Variants in CNST observed in about 807,000 individuals in gnomAD.
CNST encodes the protein consortin.
In CNST, 39 loss-of-function variants were observed where a neutral mutation model predicts 72.4. The observed-to-expected ratio is 0.54, with a 90% CI of 0.42 to 0.70. The LOEUF (loss-of-function observed/expected upper bound fraction) is 0.70. Ranked by LOEUF, CNST falls within the 30% of genes least tolerant of loss-of-function variation. CNST has a pLI of 0.00. For missense variants in CNST, 871 were observed against 868.5 expected (o/e 1.00, Z -0.04); for synonymous variants, 332 against 320.1 (o/e 1.04, Z -0.40).
chr1:246,601,598 C>T (rs868616485), intron 2 of CNST, among the ~76,000 whole-genome samples: 6 of 151,946 alleles, frequency 3.9e-5, no homozygotes, highest in South Asian at 2.1e-4. Flanking sequence ...AGTTGGAGAC[C>T]GGCCTGACCA....
In CNST at chr1:246,621,466, A is replaced by G; in HGVS notation, c.417A>G (p.Glu139=). The change falls in exon 3 of 11, where the codon GAA becomes GAG. Residue 139 remains glutamate (E), a synonymous_variant. Transcript: ENST00000366513. ...FSGDIAPLMQ[E]KVLSAVTYAV... is the part of the protein sequence containing the mutation. ...GAGATATTGCACCTTTAATGCAAGAAAAAGTACTAAGCGCAGTCACATATG... is the reference window on the plus strand; with the variant it reads ...GAGATATTGCACCTTTAATGCAAGAGAAAGTACTAAGCGCAGTCACATATG... 1.9e-6 allele frequency: 3 copies of G among 1,614,184 alleles called. No homozygotes were observed. The South Asian group carries it at 3.3e-5, about 18-fold the overall frequency.
chr1:246,604,888 C>CA (rs954512665), intron 2 of CNST, among the ~76,000 whole-genome samples: 6 of 152,148 alleles, frequency 3.9e-5, no homozygotes, highest in African/African-American at 7.2e-5. Context: ...AGGCTGGTCT[C>CA]AGACTCCTGA....
Position 246,591,765 on chromosome 1 carries a change from G to A in CNST, c.203G>A (p.Ser68Asn), listed in dbSNP as rs1311713204. ...MGKPQVSEQD[S>N]LNNNESCTLS... is the part of the protein sequence containing the mutation. ...AAGCCCCAAGTGTCTGAGCAGGACA[G>A]TCTCAATAATAATGAAAGCTGCACA... Residue 68 changes from serine to asparagine, a missense_variant, in exon 2 of 11, where the codon AGT (serine) becomes AAT (asparagine). By Grantham distance (46) the Ser-to-Asn change is conservative. Transcript: ENST00000366513. 9 of 1,614,142 alleles carry A rather than the reference G, an allele frequency of 5.6e-6. No individual in the cohort carries two copies. The highest frequency in any genetic ancestry group is 7.6e-6 in the Non-Finnish European group (9 of 1,180,026).
chr1:246,567,732 G>A (rs1383988088), intron 1 of CNST, among the ~76,000 whole-genome samples: 2 of 152,120 alleles, frequency 1.3e-5, no homozygotes, highest in African/African-American at 4.8e-5. Context: ...AAACTGTGGG[G>A]ACTCACTCAT....
intron 7 of CNST, 67 bp downstream of exon 7, chr1:246,641,837 A>C (rs1419420159): frequency 1.2e-5 from 15 of 1,239,734 alleles, no homozygotes; most frequent in Non-Finnish European, 1.8e-5. Context: ...TGTTGTATGG[A>C]CTATTTTGGA....
rs1029217622 is a variant in CNST, at chr1:246,667,703, A to G, written c.*1798A>G. 9.2e-5 allele frequency: 14 copies of G among 152,264 alleles called. No individual in the cohort carries two copies. The highest frequency in any genetic ancestry group is 1.7e-4 in the African/African-American group (7 of 41,478). 9.4% of individuals were successfully genotyped at this position (152,264 alleles called of 1,614,324 possible). A position where few individuals can be genotyped will look rare whatever the true frequency, so the allele number is the denominator to read the frequency against. ...TGACGGTACTATATTAAGTGGTTCTATAAAAGCTATTCACAAGTTCTACTG... is the reference window on the plus strand; with the variant it reads ...TGACGGTACTATATTAAGTGGTTCTGTAAAAGCTATTCACAAGTTCTACTG... On this transcript the variant is annotated 3_prime_UTR_variant, in exon 11 of 11. Transcript: ENST00000366513.
At chr1:246,657,216 TAGAA>T (rs564850634) in intron 9 of CNST, among the ~76,000 whole-genome samples, 100 of 152,092 alleles carry the variant, frequency 6.6e-4, no homozygotes, top group African/African-American at 2.3e-3. Context: ...CTCGCAAAAA[TAGAA>T]AGGCTCGATG....
intron 2 of CNST, among the ~76,000 whole-genome samples, chr1:246,605,370 G>A (rs1263307520): frequency 6.6e-6 from 1 of 152,200 alleles, no homozygotes; most frequent in East Asian, 1.9e-4. Context: ...GAGTCCATGA[G>A]TTAAAGAACA....
At position 246,588,503 on chromosome 1, in the gene CNST, G is replaced by A. The variant is rs145617497; in HGVS notation, c.-51-3009G>A. Among the ~76,000 whole-genome samples the A allele has an allele frequency of 1.8e-4, 27 of 152,262 alleles. 1 individual carries two copies. The highest frequency in any genetic ancestry group is 2.9e-4 in the Non-Finnish European group (20 of 68,020). ...TTAGCAAGGAAGAATCCAGAATGGA[G>A]TGATTCACCATGAGCCATATTTGGC... On this transcript the variant is annotated intron_variant, in intron 1 of 10. Transcript: ENST00000366513.
rs184489317 is a variant in CNST at position 246,661,413 on chromosome 1, C to T, written c.1972+1079C>T. 1.8e-3 allele frequency among the ~76,000 whole-genome samples: 277 copies of T among 152,320 alleles called. 1 individual carries two copies. The highest frequency in any genetic ancestry group is 2.6e-3 in the Non-Finnish European group (174 of 68,030). ...GATTACAGGCATGAGCCACCATGCC[C>T]GGCTTGTCTTCTTTTCAGTGGACAA... On this transcript the variant is annotated intron_variant, in intron 10 of 10. Coordinates refer to ENST00000366513, the MANE Select transcript of CNST (RefSeq NM_152609.3).
At chr1:246,600,712 G>A (rs1333747199) in intron 2 of CNST, among the ~76,000 whole-genome samples, 1 of 152,202 alleles carries the variant, frequency 6.6e-6, no homozygotes. Context: ...AGAGAAGAGA[G>A]TAGAAGACAG....
intron 8 of CNST, among the ~76,000 whole-genome samples, chr1:246,645,521 G>A (rs3129554): frequency 0.91 from 136,051 of 149,334 alleles, 61,952 homozygotes; most frequent in South Asian, 0.94. Flanking sequence ...TCCGCCTCCC[G>A]GGTTCACGCC....
intron 2 of CNST, among the ~76,000 whole-genome samples, chr1:246,618,495 T>C (rs1257830009): frequency 2.0e-5 from 3 of 152,220 alleles, no homozygotes; most frequent in Non-Finnish European, 2.9e-5. Context: ...CTTGTAGTTT[T>C]GCTAACGTCT....
At chr1:246,572,339 C>T (rs541813680) in intron 1 of CNST, among the ~76,000 whole-genome samples, 1 of 152,218 alleles carries the variant, frequency 6.6e-6, no homozygotes, top group South Asian at 2.1e-4. Flanking sequence ...ATGCTGCTGT[C>T]CTTGAGTATT....
chr1:246,594,704 G>C (rs1267089103), intron 2 of CNST, among the ~76,000 whole-genome samples: 1 of 152,182 alleles, frequency 6.6e-6, no homozygotes, highest in Non-Finnish European at 1.5e-5. Flanking sequence ...GGGAGGCGGA[G>C]GTTGCAGTGA....
chr1:246,575,339 A>T (rs1219447374), intron 1 of CNST, among the ~76,000 whole-genome samples: 1 of 152,232 alleles, frequency 6.6e-6, no homozygotes, highest in Non-Finnish European at 1.5e-5. Flanking sequence ...TGATGAATAG[A>T]TAAATAAAAG....
At chr1:246,646,854 A>G (rs1376684238) in intron 8 of CNST, among the ~76,000 whole-genome samples, 1 of 152,250 alleles carries the variant, frequency 6.6e-6, no homozygotes, top group East Asian at 1.9e-4. Context: ...AATAAAGTTC[A>G]GAATATCTTT....
intron 1 of CNST, among the ~76,000 whole-genome samples, chr1:246,576,196 T>C (rs12736312): frequency 0.44 from 13,550 of 30,840 alleles, 2,186 homozygotes; most frequent in Non-Finnish European, 0.54. Flanking sequence ...AATGGCGCCA[T>C]TGCACTCCAG....
intron 9 of CNST, among the ~76,000 whole-genome samples, chr1:246,655,675 A>G (rs1666734801): frequency 6.6e-6 from 1 of 152,210 alleles, no homozygotes; most frequent in Admixed American, 6.5e-5. Context: ...ATAAAGCAAC[A>G]TTTTAATAGT....
Sources: allele counts gnomAD v4.1 joint callset (sites outside exome capture counted in the v4.1 genomes callset), GRCh38; gene constraint gnomAD v4.1.1; transcripts MANE v1.5; gene names NCBI Gene and HGNC (gene_info 2026-07-23, HGNC 2026-07-21).